Variants in TPST1 observed in about 807,000 individuals in gnomAD.
TPST1 encodes the protein tyrosylprotein sulfotransferase 1.
TPST1 carries 20 observed loss-of-function variants against 34.8 expected under a neutral mutation model. The observed-to-expected ratio is 0.57, with a 90% confidence interval of 0.40 to 0.84. TPST1 has a LOEUF of 0.84. Ranked by LOEUF, TPST1 falls within the 40% of genes least tolerant of loss-of-function variation. TPST1 has a pLI of 0.00. For missense variants in TPST1, 353 were observed against 455.5 expected, an observed-to-expected ratio of 0.78 and a Z score of 2.05; for synonymous variants, 152 against 159.4, an observed-to-expected ratio of 0.95 and a Z score of 0.35.
At chr7:66,248,669 A>T (rs1015191130) in intron 2 of TPST1, among the ~76,000 whole-genome samples, 2 of 151,700 alleles carry the variant, frequency 1.3e-5, no homozygotes, top group African/African-American at 4.8e-5. Flanking sequence ...ACACCCAGCT[A>T]ATTTTTTTTT....
At chr7:66,234,400 T>TACACACACACACACACACAC (rs56139529) in intron 1 of TPST1, among the ~76,000 whole-genome samples, 10,331 of 142,730 alleles carry the variant, frequency 0.072, 527 homozygotes, top group Non-Finnish European at 0.1. Context: ...AAAGCATGGC[T>TACACACACACACACACACAC]ACACACACAC....
At chr7:66,280,340 T>G (rs1292132664) in intron 2 of TPST1, among the ~76,000 whole-genome samples, 1 of 152,218 alleles carries the variant, frequency 6.6e-6, no homozygotes, top group Non-Finnish European at 1.5e-5. Context: ...GCCATCTTCT[T>G]GTAGGTCATG....
intron 3 of TPST1, among the ~76,000 whole-genome samples, chr7:66,350,724 C>CAATAACT (rs1223998775): frequency 6.6e-6 from 1 of 152,102 alleles, no homozygotes; most frequent in Non-Finnish European, 1.5e-5. Context: ...ACTGTCCTTC[C>CAATAACT]AATAACTTTC....
intron 1 of TPST1, among the ~76,000 whole-genome samples, chr7:66,231,456 G>C (rs2116346053): frequency 6.6e-6 from 1 of 152,360 alleles, no homozygotes; most frequent in East Asian, 1.9e-4. Flanking sequence ...GCCTATGGAG[G>C]GGGTGGGAGG....
chr7:66,266,788 C>T (rs1225278842), intron 2 of TPST1, among the ~76,000 whole-genome samples: 1 of 152,186 alleles, frequency 6.6e-6, no homozygotes, highest in Admixed American at 6.5e-5. Context: ...TAAGTATATA[C>T]TGTAGGTTTC....
At chr7:66,297,626 A>G (rs1371969551) in intron 3 of TPST1, among the ~76,000 whole-genome samples, 1 of 152,222 alleles carries the variant, frequency 6.6e-6, no homozygotes, top group Non-Finnish European at 1.5e-5. Context: ...CAAGTGATCA[A>G]ATGGAAAAGC....
At chr7:66,243,340 A>G (rs1254666581) in intron 2 of TPST1, among the ~76,000 whole-genome samples, 2 of 152,204 alleles carry the variant, frequency 1.3e-5, no homozygotes, top group Non-Finnish European at 2.9e-5. Context: ...TTAAAACTTA[A>G]AAGCAAAATA....
At chr7:66,322,462 A>G (rs1791777003) in intron 3 of TPST1, among the ~76,000 whole-genome samples, 1 of 152,152 alleles carries the variant, frequency 6.6e-6, no homozygotes, top group Non-Finnish European at 1.5e-5. Context: ...TCTCGATTTA[A>G]GTACCTCATG....
intron 2 of TPST1, among the ~76,000 whole-genome samples, chr7:66,257,533 T>A (rs1790404100): frequency 6.6e-6 from 1 of 152,240 alleles, no homozygotes; most frequent in East Asian, 1.9e-4. Flanking sequence ...GTCTGCTTCC[T>A]GCCAGTAGAA....
chr7:66,253,984 CAG>C (rs1361155953), intron 2 of TPST1, among the ~76,000 whole-genome samples: 1 of 123,540 alleles, frequency 8.1e-6, no homozygotes, highest in African/African-American at 3.3e-5. Context: ...GCCTGGTTGA[CAG>C]AGTGAGACTC....
chr7:66,274,982 C>G (rs1790777025), intron 2 of TPST1, among the ~76,000 whole-genome samples: 1 of 152,100 alleles, frequency 6.6e-6, no homozygotes, highest in Non-Finnish European at 1.5e-5. Context: ...ATCACGAGGT[C>G]AGGAGGTCGA....
chr7:66,293,078 C>A (rs1177457107), intron 3 of TPST1, among the ~76,000 whole-genome samples: 2 of 151,876 alleles, frequency 1.3e-5, no homozygotes, highest in African/African-American at 2.4e-5. Context: ...TGGTGGTGGG[C>A]GCCTGTAGTC....
chr7:66,355,026 C>A (rs757737461), intron 4 of TPST1, among the ~76,000 whole-genome samples: 10 of 151,910 alleles, frequency 6.6e-5, no homozygotes, highest in African/African-American at 2.4e-4. Context: ...ATCTTTATGA[C>A]CATAAGAGGA....
At position 66,241,028 on chromosome 7, in the gene TPST1, T is replaced by A. The variant is rs766627873; in HGVS notation, c.603T>A (p.Ala201=). Residue 201 remains alanine (A), a synonymous_variant, in exon 2 of 6, where the codon GCT becomes GCA. Coordinates refer to ENST00000304842, the MANE Select transcript of TPST1 (RefSeq NM_003596.4). ...TGATTTCTCGAAAAGTTACTATAGC[T>A]GGATTTGATCTGAACAGCTATAGGG... ...HSMISRKVTI[A]GFDLNSYRDC... 1.2e-6 allele frequency: 2 copies of A among 1,614,248 alleles called. No homozygotes were observed. The highest frequency in any genetic ancestry group is 2.2e-5 in the South Asian group (2 of 91,084).
At chr7:66,222,239 G>A (rs1455565734) in intron 1 of TPST1, among the ~76,000 whole-genome samples, 2 of 152,126 alleles carry the variant, frequency 1.3e-5, no homozygotes, top group African/African-American at 4.8e-5. Flanking sequence ...AAAAGAATTA[G>A]CTGGGCGTGG....
chr7:66,285,230 A>AG (rs1791012022), intron 2 of TPST1, among the ~76,000 whole-genome samples: 1 of 152,138 alleles, frequency 6.6e-6, no homozygotes, highest in Non-Finnish European at 1.5e-5. Flanking sequence ...CACTGATGGG[A>AG]GTGAATGGCA....
At chr7:66,321,960 CAT>C (rs1270313124) in intron 3 of TPST1, among the ~76,000 whole-genome samples, 1 of 152,132 alleles carries the variant, frequency 6.6e-6, no homozygotes, top group Non-Finnish European at 1.5e-5. Context: ...GAATTATTTA[CAT>C]GTTTTGATAT....
At chr7:66,252,650 C>T (rs957218910) in intron 2 of TPST1, among the ~76,000 whole-genome samples, 2 of 152,110 alleles carry the variant, frequency 1.3e-5, no homozygotes, top group East Asian at 3.8e-4. Flanking sequence ...TATCTTTTAA[C>T]TTCCTTTTTA....
intron 3 of TPST1, among the ~76,000 whole-genome samples, chr7:66,347,875 G>T (rs1792387669): frequency 6.6e-6 from 1 of 151,924 alleles, no homozygotes; most frequent in South Asian, 2.1e-4. Flanking sequence ...TTTTTTGGTG[G>T]AGTCTTTTGG....
Sources: allele counts gnomAD v4.1 joint callset (sites outside exome capture counted in the v4.1 genomes callset), GRCh38; gene constraint gnomAD v4.1.1; transcripts MANE v1.5; gene names NCBI Gene and HGNC (gene_info 2026-07-23, HGNC 2026-07-21).